Variants in RAC2 observed in about 807,000 individuals in gnomAD.
The protein encoded by RAC2 is ras-related C3 botulinum toxin substrate 2.
RAC2 carries 1 observed loss-of-function variant against 24.0 expected under a neutral mutation model. That is an observed-to-expected ratio of 0.04 (90% confidence interval 0.01 to 0.20). The LOEUF is 0.20. Among genes scored for constraint, RAC2 ranks in the 10% least tolerant of loss-of-function variants. RAC2 has a pLI of 1.00. For missense variants in RAC2, 130 were observed against 259.1 expected (o/e 0.50, Z 3.42); for synonymous variants, 114 against 106.8 (o/e 1.07, Z -0.41).
At chr22:37,233,834 G>A (rs1448501239) in intron 2 of RAC2, among the ~76,000 whole-genome samples, 1 of 151,822 alleles carries the variant, frequency 6.6e-6, no homozygotes, top group Non-Finnish European at 1.5e-5. Context: ...ACCGTGCTCA[G>A]GGCGTCCCCA....
At chr22:37,233,257 C>T (rs919901464) in intron 2 of RAC2, among the ~76,000 whole-genome samples, 3 of 150,816 alleles carry the variant, frequency 2.0e-5, no homozygotes, top group African/African-American at 7.4e-5. Context: ...TGCTGCCACT[C>T]AATGTTTGCT....
intron 2 of RAC2, among the ~76,000 whole-genome samples, chr22:37,238,785 A>G (rs766169697): frequency 2.7e-4 from 41 of 152,200 alleles, no homozygotes; most frequent in Non-Finnish European, 5.4e-4. Context: ...GGTCTATACA[A>G]CAGAGCAGGC....
chr22:37,233,488 G>GA (rs1472038366), intron 2 of RAC2, among the ~76,000 whole-genome samples: 2 of 152,166 alleles, frequency 1.3e-5, no homozygotes, highest in Non-Finnish European at 2.9e-5. Flanking sequence ...TCACCATGTT[G>GA]ACCAGGCTGG....
intron 5 of RAC2, among the ~76,000 whole-genome samples, chr22:37,230,970 G>A (rs1251639160): frequency 6.6e-6 from 1 of 152,176 alleles, no homozygotes; most frequent in East Asian, 1.9e-4. Flanking sequence ...TGCTGCCCTG[G>A]CAGCTCCACC....
At chr22:37,226,903 C>G in intron 5 of RAC2, 100 bp from the exon 6 acceptor site, 1 of 1,430,870 alleles carries the variant, frequency 7.0e-7, no homozygotes, top group Non-Finnish European at 9.6e-7. Context: ...ACGCCATACA[C>G]CCCTCCCACG....
chr22:37,227,501 GCCTCCCATGCCATACACC>G lies in RAC2; in HGVS notation c.449-716_449-699del, dbSNP rs746619266. On this transcript the variant is annotated intron_variant, in intron 5 of 6. Coordinates refer to ENST00000249071, the MANE Select transcript of RAC2 (RefSeq NM_002872.5). Reference sequence around the variant, plus strand: ...CTCCCACGCCATACATCCCTCCCACGCCTCCCATGCCATACACCCCTCCCACGCCATACACCCCCTCCC... The same window carrying G: ...CTCCCACGCCATACATCCCTCCCACGCCTCCCACGCCATACACCCCCTCCC... Among the ~76,000 whole-genome samples, 21 of 3,804 alleles carry G rather than the reference GCCTCCCATGCCATACACC, an allele frequency of 5.5e-3. 1 individual carries two copies. The highest frequency in any genetic ancestry group is 8.5e-3 in the South Asian group (1 of 118). 2.5% of individuals were successfully genotyped at this position (3,804 alleles called of 152,430 possible).
At chr22:37,241,517 T>C in intron 2 of RAC2, 70 bp downstream of exon 2, 1 of 1,499,072 alleles carries the variant, frequency 6.7e-7, no homozygotes, top group Admixed American at 1.7e-5. Flanking sequence ...AGGAAGTGCC[T>C]GAAAGGGGGG....
intron 5 of RAC2, among the ~76,000 whole-genome samples, chr22:37,228,408 A>G (rs1265456043): frequency 6.6e-6 from 1 of 152,214 alleles, no homozygotes; most frequent in African/African-American, 2.4e-5. Flanking sequence ...GTGACTTCCC[A>G]TGTCCATTTC....
At chr22:37,240,839 A>G (rs1319008854) in intron 2 of RAC2, 12 of 595,834 alleles carry the variant, frequency 2.0e-5, no homozygotes, top group Non-Finnish European at 3.1e-5. Flanking sequence ...ATGGGGAGAG[A>G]GAACAGCTTG....
intron 2 of RAC2, among the ~76,000 whole-genome samples, chr22:37,233,392 C>T (rs1436115393): frequency 2.6e-5 from 4 of 152,208 alleles, no homozygotes; most frequent in African/African-American, 9.6e-5. Context: ...AAGTGATTCT[C>T]CTGCCTCGGC....
chr22:37,243,913 T>TGGGGC (rs1210205862), intron 1 of RAC2, among the ~76,000 whole-genome samples: 2 of 150,434 alleles, frequency 1.3e-5, no homozygotes, highest in African/African-American at 4.9e-5. Flanking sequence ...TGGGGTGGGG[T>TGGGGC]GGGGCTGAAG....
intron 5 of RAC2, among the ~76,000 whole-genome samples, chr22:37,229,237 G>A (rs11089831): frequency 0.061 from 8,358 of 137,072 alleles, 326 homozygotes; most frequent in South Asian, 0.15. Context: ...TCATTGCCAT[G>A]CGATGGCTCA....
At chr22:37,241,059 G>T in intron 2 of RAC2, 1 of 730,880 alleles carries the variant, frequency 1.4e-6, no homozygotes. Flanking sequence ...AGGGGCTGGT[G>T]CCTCCCCAGT....
intron 2 of RAC2, among the ~76,000 whole-genome samples, chr22:37,234,047 C>T (rs975381805): frequency 6.6e-6 from 1 of 152,096 alleles, no homozygotes; most frequent in Non-Finnish European, 1.5e-5. Flanking sequence ...CAATGTCTCC[C>T]GCCAGACCCA....
chr22:37,237,114 G>A (rs539598787), intron 2 of RAC2, among the ~76,000 whole-genome samples: 285 of 151,948 alleles, frequency 1.9e-3, no homozygotes, highest in African/African-American at 6.6e-3. Context: ...GCTTGAACCC[G>A]GGAGGCAGAG....
intron 2 of RAC2, among the ~76,000 whole-genome samples, chr22:37,234,356 G>A (rs1033206438): frequency 2.6e-5 from 4 of 152,176 alleles, no homozygotes; most frequent in African/African-American, 7.2e-5. Flanking sequence ...GCTGTGGAAG[G>A]GAAAACTTGG....
At chr22:37,239,638 T>C (rs1252897723) in intron 2 of RAC2, among the ~76,000 whole-genome samples, 1 of 152,206 alleles carries the variant, frequency 6.6e-6, no homozygotes, top group Non-Finnish European at 1.5e-5. Flanking sequence ...TCCAAGCCTC[T>C]ACCTCTTATA....
intron 2 of RAC2, among the ~76,000 whole-genome samples, chr22:37,236,855 G>T (rs747763701): frequency 2.6e-5 from 4 of 152,196 alleles, no homozygotes; most frequent in Non-Finnish European, 5.9e-5. Flanking sequence ...GAACCAGCAA[G>T]GGGCCAAGCC....
intron 1 of RAC2, 145 bp from the exon 2 acceptor site, chr22:37,241,803 G>T: frequency 1.4e-6 from 1 of 735,830 alleles, no homozygotes; most frequent in Non-Finnish European, 2.4e-6. Flanking sequence ...GATGCCCCCT[G>T]TCTGTGTTCT....
Sources: gnomAD v4.1 joint callset for allele counts (sites outside exome capture counted in the v4.1 genomes callset) on GRCh38, gnomAD v4.1.1 for gene constraint, MANE v1.5 for transcripts, NCBI Gene and HGNC (gene_info 2026-07-23, HGNC 2026-07-21) for gene names.